Variants in FOXJ3 observed in about 807,000 individuals in gnomAD.
FOXJ3 encodes forkhead box protein J3.
A neutral mutation model predicts 76.1 loss-of-function variants in FOXJ3; 22 were observed. The observed-to-expected ratio is 0.29, with a 90% CI of 0.21 to 0.41. The LOEUF (loss-of-function observed/expected upper bound fraction) is 0.41, where lower values mean the gene tolerates loss of function less well. Among genes scored for constraint, FOXJ3 ranks in the 10% least tolerant of loss-of-function variants. The probability of loss-of-function intolerance (pLI) is 1.00; values close to 1 mark genes in which losing one functional copy is unlikely to be tolerated. For missense variants in FOXJ3, 613 were observed against 762.1 expected, an observed-to-expected ratio of 0.80 and a Z score of 2.30; for synonymous variants, 269 against 261.2, an observed-to-expected ratio of 1.03 and a Z score of -0.29.
intron 11 of FOXJ3, among the ~76,000 whole-genome samples, chr1:42,182,246 G>A (rs1025901777): frequency 1.1e-4 from 16 of 152,192 alleles, no homozygotes; most frequent in Non-Finnish European, 2.1e-4. Flanking sequence ...TAATGCTAGC[G>A]CTGCCACTAA....
intron 11 of FOXJ3, among the ~76,000 whole-genome samples, chr1:42,183,629 T>C (rs867340051): frequency 6.6e-6 from 1 of 152,034 alleles, no homozygotes; most frequent in Admixed American, 6.6e-5. Context: ...TACTATTTCA[T>C]GTAAATTACA....
chr1:42,236,263 T>C (rs1332357979), intron 4 of FOXJ3, among the ~76,000 whole-genome samples: 1 of 152,180 alleles, frequency 6.6e-6, no homozygotes, highest in Non-Finnish European at 1.5e-5. Flanking sequence ...CAATCATAGA[T>C]CAATGCAACC....
intron 2 of FOXJ3, among the ~76,000 whole-genome samples, chr1:42,298,786 A>C (rs1372154155): frequency 3.3e-5 from 5 of 152,162 alleles, no homozygotes; most frequent in Non-Finnish European, 1.5e-5. Context: ...TTAACGCTAT[A>C]AACTTTCCTC....
intron 5 of FOXJ3, among the ~76,000 whole-genome samples, chr1:42,213,405 A>C (rs749873989): frequency 6.6e-5 from 10 of 152,082 alleles, no homozygotes; most frequent in Non-Finnish European, 1.5e-4. Context: ...TGGCAAATGG[A>C]AGCCAAAAGC....
chr1:42,312,309 C>G (rs531147724), intron 1 of FOXJ3, among the ~76,000 whole-genome samples: 1 of 152,268 alleles, frequency 6.6e-6, no homozygotes, highest in African/African-American at 2.4e-5. Flanking sequence ...CCTCCTTCCT[C>G]GGCCTCCCAA....
intron 3 of FOXJ3, among the ~76,000 whole-genome samples, chr1:42,270,132 A>C (rs1418261494): frequency 6.6e-6 from 1 of 152,184 alleles, no homozygotes; most frequent in Non-Finnish European, 1.5e-5. Flanking sequence ...AAATTGCTAC[A>C]TCTGCAAAGA....
In FOXJ3 at chr1:42,188,784, C is replaced by G; in HGVS notation, c.1598G>C (p.Cys533Ser). 6.2e-7 allele frequency: 1 copy of G among 1,611,128 alleles called. No individual in the cohort carries two copies. Among genetic ancestry groups the G allele is most frequent in the Non-Finnish European group, 8.5e-7 (1 of 1,178,414 alleles). ...TTTTGTTGGATGCATGGCACCATGA[C>G]AAACATTTTGTTGAACATTACTCTG... Reference protein sequence around the residue: ...HSQSNVQQNVCHGAMHPTKPS... With the variant: ...HSQSNVQQNVSHGAMHPTKPS... Residue 533 changes from cysteine to serine, a missense_variant, in exon 11 of 13, where the codon TGT becomes TCT. Transcript: ENST00000361346.
At chr1:42,236,121 C>T (rs926332910) in intron 4 of FOXJ3, among the ~76,000 whole-genome samples, 2 of 152,226 alleles carry the variant, frequency 1.3e-5, no homozygotes, top group African/African-American at 2.4e-5. Context: ...AGGATCTACA[C>T]CACTAGACTC....
intron 2 of FOXJ3, among the ~76,000 whole-genome samples, chr1:42,280,922 C>T (rs1652660943): frequency 6.6e-6 from 1 of 152,158 alleles, no homozygotes; most frequent in Non-Finnish European, 1.5e-5. Flanking sequence ...TGCTGTCATC[C>T]AATTTACCTC....
At chr1:42,324,100 C>CACAG (rs1294775572) in intron 1 of FOXJ3, among the ~76,000 whole-genome samples, 913 of 57,318 alleles carry the variant, frequency 0.016, 85 homozygotes, top group African/African-American at 0.019. Context: ...TGTATATATA[C>CACAG]TGTGTATATA....
intron 1 of FOXJ3, among the ~76,000 whole-genome samples, chr1:42,324,104 G>GTGTATATATAGTATATATATACACTA (rs776964079): frequency 1.5e-4 from 13 of 88,928 alleles, no homozygotes; most frequent in African/African-American, 4.1e-4. Flanking sequence ...TATATACTGT[G>GTGTATATATAGTATATATATACACTA]TATATACACT....
chr1:42,202,473 G>A (rs766528186), intron 6 of FOXJ3, among the ~76,000 whole-genome samples: 4 of 151,968 alleles, frequency 2.6e-5, no homozygotes, highest in Admixed American at 1.3e-4. Flanking sequence ...ACTAATAAAC[G>A]TATAAGTTGC....
In FOXJ3 at chr1:42,335,054, C is replaced by G. The variant is rs1656399442; in HGVS notation, c.-18+5G>C. ...GGCCCGGCCGCCCTGGCGGGGGGCA[C>G]TTACCTCAGGCTGCGCAGGCCGGGA... is the stretch of plus-strand genomic sequence containing the variant. On this transcript the variant is annotated splice_donor_5th_base_variant and intron_variant, in intron 1 of 12. Coordinates refer to ENST00000361346, the MANE Select transcript of FOXJ3 (RefSeq NM_014947.5). The G allele has an allele frequency of 6.6e-6, 1 of 152,462 alleles. No individual in the cohort carries two copies. Among genetic ancestry groups the G allele is most frequent in the African/African-American group, 2.4e-5 (1 of 41,434 alleles). 9.4% of individuals were successfully genotyped at this position (152,462 alleles called of 1,614,324 possible). A position where few individuals can be genotyped will look rare whatever the true frequency, so the allele number is the denominator to read the frequency against.
At chr1:42,188,682 A>G in intron 11 of FOXJ3, 55 bp downstream of exon 11, 1 of 1,245,268 alleles carries the variant, frequency 8.0e-7, no homozygotes. Flanking sequence ...GACAGTTACT[A>G]AATTTCGTAC....
intron 12 of FOXJ3, among the ~76,000 whole-genome samples, chr1:42,180,044 G>C (rs1002365125): frequency 2.9e-4 from 44 of 152,260 alleles, no homozygotes; most frequent in African/African-American, 9.6e-4. Context: ...ACCAGTAGGG[G>C]ACAAAGATAG....
At chr1:42,230,332 C>T (rs540646449) in intron 4 of FOXJ3, among the ~76,000 whole-genome samples, 2 of 151,484 alleles carry the variant, frequency 1.3e-5, no homozygotes, top group Non-Finnish European at 2.9e-5. Flanking sequence ...TGTCTATGAT[C>T]AAAAAAAACA....
chr1:42,217,060 GA>G (rs1647083929), intron 5 of FOXJ3, among the ~76,000 whole-genome samples: 1 of 152,166 alleles, frequency 6.6e-6, no homozygotes. Flanking sequence ...GGGTGGAGGG[GA>G]GGAGAGGAAC....
chr1:42,329,797 A>T (rs1382777969), intron 1 of FOXJ3, among the ~76,000 whole-genome samples: 1 of 152,238 alleles, frequency 6.6e-6, no homozygotes, highest in African/African-American at 2.4e-5. Flanking sequence ...TGTCAAGTTA[A>T]AATTGCTGTT....
At chr1:42,219,796 T>C (rs1054439992) in intron 5 of FOXJ3, among the ~76,000 whole-genome samples, 1 of 152,176 alleles carries the variant, frequency 6.6e-6, no homozygotes, top group Non-Finnish European at 1.5e-5. Flanking sequence ...CATGTACCTA[T>C]AGTCCCAGCT....
Sources: allele counts gnomAD v4.1 joint callset (sites outside exome capture counted in the v4.1 genomes callset), GRCh38; gene constraint gnomAD v4.1.1; transcripts MANE v1.5; gene names NCBI Gene and HGNC (gene_info 2026-07-23, HGNC 2026-07-21).